BBS9: variants seen among roughly 807,000 people sequenced by gnomAD.
BBS9 encodes the protein protein PTHB1.
In BBS9, 89 loss-of-function variants were observed where a neutral mutation model predicts 117.7. The ratio of observed to expected loss-of-function variants is 0.76; its 90% confidence interval spans 0.64 to 0.90. The LOEUF is 0.90. Among genes scored for constraint, BBS9 ranks in the 40% least tolerant of loss-of-function variants. The pLI is 0.00. For missense variants in BBS9, 982 were observed against 1,042.2 expected (o/e 0.94, Z 0.80); for synonymous variants, 379 against 370.9 (o/e 1.02, Z -0.25).
At chr7:33,374,729 T>C (rs1295052614) in intron 17 of BBS9, among the ~76,000 whole-genome samples, 4 of 151,686 alleles carry the variant, frequency 2.6e-5, no homozygotes, top group Non-Finnish European at 5.9e-5. Flanking sequence ...TGGAGAAACC[T>C]CATCTCTACT....
intron 19 of BBS9, among the ~76,000 whole-genome samples, chr7:33,437,192 G>A (rs1027558773): frequency 4.6e-5 from 7 of 152,140 alleles, no homozygotes; most frequent in Admixed American, 4.6e-4. Context: ...TCTAATTTAG[G>A]TTATTTCTAT....
chr7:33,590,629 TAGA>T (rs1291337863), intron 21 of BBS9, among the ~76,000 whole-genome samples: 1 of 151,896 alleles, frequency 6.6e-6, no homozygotes, highest in African/African-American at 2.4e-5. Flanking sequence ...ATCTCAGGCT[TAGA>T]CTGGAATAAT....
Position 33,509,579 on chromosome 7 carries a change from G to A in BBS9, c.2298+3934G>A, listed in dbSNP as rs541839048. ...GTGTGAGAGGGAAAACTTTAGACATGTGGACGACATTTTCAGAAGAGCCTC... is the reference window on the plus strand; with the variant it reads ...GTGTGAGAGGGAAAACTTTAGACATATGGACGACATTTTCAGAAGAGCCTC... On this transcript the variant is annotated intron_variant, in intron 20 of 22. Transcript: ENST00000242067. Among the ~76,000 whole-genome samples, 7 of 152,302 alleles carry A rather than the reference G, an allele frequency of 4.6e-5. No individual in the cohort carries two copies. In the East Asian group the frequency reaches 1.4e-3, roughly 29 times the overall value.
chr7:33,162,802 C>T (rs532729324), intron 4 of BBS9, among the ~76,000 whole-genome samples: 3 of 152,098 alleles, frequency 2.0e-5, no homozygotes, highest in Admixed American at 2.0e-4. Context: ...TCCCTTTTTC[C>T]TAATTGAATA....
intron 9 of BBS9, among the ~76,000 whole-genome samples, chr7:33,289,834 G>A (rs1212643453): frequency 7.9e-5 from 12 of 152,120 alleles, no homozygotes; most frequent in Admixed American, 7.2e-4. Flanking sequence ...ACTAGGTCAA[G>A]AGATCAGGAC....
intron 9 of BBS9, among the ~76,000 whole-genome samples, chr7:33,300,907 T>A (rs979812655): frequency 2.0e-5 from 3 of 152,178 alleles, no homozygotes; most frequent in African/African-American, 7.2e-5. Flanking sequence ...TAAAAAAATC[T>A]GTTTATTTTT....
rs748029581 is a variant in BBS9, at chr7:33,605,632, A to G, written c.*406A>G. The G allele has an allele frequency of 3.5e-5, 8 of 229,662 alleles. No homozygotes were observed. The highest frequency in any genetic ancestry group is 5.2e-5 in the Non-Finnish European group (6 of 115,632). The allele number at this position is 229,662 out of a possible 1,614,324, so 14.2% of individuals were successfully genotyped here. On this transcript the variant is annotated 3_prime_UTR_variant, in exon 23 of 23. Coordinates refer to ENST00000242067, the MANE Select transcript of BBS9 (RefSeq NM_198428.3). ...TAATAAAGCATCTCATTGTCAAATA[A>G]TATCTTGGATTTTATTTATAATTAG...
rs1185981678 is a variant in BBS9, at chr7:33,146,920, A to G, written c.112+556A>G. Among the ~76,000 whole-genome samples the G allele has an allele frequency of 3.3e-5, 5 of 152,266 alleles. No homozygotes were observed. In the South Asian group the frequency reaches 8.3e-4, roughly 25 times the overall value. ...GCTGGAATTTAGTAAAAATTATATG[A>G]CATCACTTCATTTGTATCAAAATTT... On this transcript the variant is annotated intron_variant, in intron 2 of 22. Transcript: ENST00000242067.
At chr7:33,598,477 GA>G (rs1342654179) in intron 21 of BBS9, among the ~76,000 whole-genome samples, 1 of 152,044 alleles carries the variant, frequency 6.6e-6, no homozygotes, top group Non-Finnish European at 1.5e-5. Flanking sequence ...AAGTAAAAAT[GA>G]AAAAACCTGA....
chr7:33,136,815 G>A (rs1790538162), intron 1 of BBS9, among the ~76,000 whole-genome samples: 1 of 152,120 alleles, frequency 6.6e-6, no homozygotes, highest in African/African-American at 2.4e-5. Flanking sequence ...TTTTGGCTCA[G>A]GGTAATTAGA....
chr7:33,465,596 T>C (rs764263553), intron 19 of BBS9, among the ~76,000 whole-genome samples: 2 of 152,184 alleles, frequency 1.3e-5, no homozygotes, highest in African/African-American at 2.4e-5. Context: ...TTCTGTGACC[T>C]ATCTGGGTTT....
intron 19 of BBS9, among the ~76,000 whole-genome samples, chr7:33,412,304 A>G (rs972892732): frequency 3.3e-5 from 5 of 152,210 alleles, no homozygotes; most frequent in East Asian, 1.9e-4. Context: ...TGCCAGACCT[A>G]ACGTTCACTC....
intron 17 of BBS9, among the ~76,000 whole-genome samples, chr7:33,368,976 C>G (rs76302079): frequency 0.011 from 1,679 of 152,140 alleles, 34 homozygotes; most frequent in African/African-American, 0.039. Context: ...CATGATTTTT[C>G]TGATTGGTCA....
chr7:33,325,786 G>A (rs1812692250), intron 9 of BBS9, among the ~76,000 whole-genome samples: 1 of 152,052 alleles, frequency 6.6e-6, no homozygotes, highest in South Asian at 2.1e-4. Context: ...ATAATTCTCT[G>A]GATTACTAGG....
chr7:33,633,534 A>ATTTTTT (rs1865997930), intron 21 of BBS9, among the ~76,000 whole-genome samples: 1 of 120,894 alleles, frequency 8.3e-6, no homozygotes. Context: ...TTTTTTTGAG[A>ATTTTTT]TTTGAAAATC....
intron 9 of BBS9, among the ~76,000 whole-genome samples, chr7:33,317,958 A>C (rs555875983): frequency 6.6e-6 from 1 of 152,196 alleles, no homozygotes; most frequent in Non-Finnish European, 1.5e-5. Context: ...AGGCTTAGGC[A>C]TGAGAATTGC....
At chr7:33,231,936 C>A (rs938262504) in intron 5 of BBS9, among the ~76,000 whole-genome samples, 1 of 152,004 alleles carries the variant, frequency 6.6e-6, no homozygotes, top group Non-Finnish European at 1.5e-5. Flanking sequence ...CCAGTAGTAC[C>A]CCTCTGCTCC....
At chr7:33,610,656 A>G (rs73092738), downstream of BBS9, among the ~76,000 whole-genome samples, 10,946 of 152,144 alleles carry the variant, frequency 0.072, 458 homozygotes, top group Middle Eastern at 0.11. Context: ...TACTGTTTCG[A>G]CACGACTTTT....
intron 5 of BBS9, among the ~76,000 whole-genome samples, chr7:33,212,740 G>C (rs1235797438): frequency 6.6e-6 from 1 of 152,264 alleles, no homozygotes; most frequent in Admixed American, 6.5e-5. Context: ...GCACAATATC[G>C]CTGTGGTTTC....
Sources: allele counts gnomAD v4.1 joint callset (sites outside exome capture counted in the v4.1 genomes callset), GRCh38; gene constraint gnomAD v4.1.1; transcripts MANE v1.5; gene names NCBI Gene and HGNC (gene_info 2026-07-23, HGNC 2026-07-21).